Variants in PAK5 observed in about 807,000 individuals in gnomAD.
PAK5 encodes the protein serine/threonine-protein kinase PAK 5.
A neutral mutation model predicts 65.9 loss-of-function variants in PAK5; 16 were observed. The ratio of observed to expected loss-of-function variants is 0.24; its 90% confidence interval spans 0.16 to 0.37. PAK5 has a LOEUF of 0.37. Among genes scored for constraint, PAK5 ranks in the 10% least tolerant of loss-of-function variants. The pLI, the probability that PAK5 is intolerant of heterozygous loss-of-function variation, is 1.00. For synonymous variants in PAK5, 371 were observed against 354.9 expected (o/e 1.05, Z -0.51); for missense variants, 785 against 903.9 (o/e 0.87, Z 1.69).
At chr20:9,618,917 T>TTTTG (rs2046717492) in intron 3 of PAK5, among the ~76,000 whole-genome samples, 1 of 51,840 alleles carries the variant, frequency 1.9e-5, no homozygotes, top group African/African-American at 6.7e-5. Flanking sequence ...TTTCTTTCGT[T>TTTTG]TTTTTTTTTT....
chr20:9,836,982 G>T (rs1235009969), intron 1 of PAK5, among the ~76,000 whole-genome samples: 1 of 152,208 alleles, frequency 6.6e-6, no homozygotes, highest in East Asian at 1.9e-4. Context: ...CAGCATTTCA[G>T]CAGGTCCTGA....
At chr20:9,603,909 A>G (rs549439177) in intron 3 of PAK5, among the ~76,000 whole-genome samples, 1 of 152,270 alleles carries the variant, frequency 6.6e-6, no homozygotes, top group African/African-American at 2.4e-5. Flanking sequence ...CTACATTCAC[A>G]TTGCTAACGT....
intron 1 of PAK5, among the ~76,000 whole-genome samples, chr20:9,790,532 G>T (rs1467709566): frequency 2.0e-5 from 3 of 152,016 alleles, no homozygotes; most frequent in Admixed American, 6.6e-5. Flanking sequence ...TAGAGACAGG[G>T]TCTAACTCTG....
intron 1 of PAK5, among the ~76,000 whole-genome samples, chr20:9,805,677 C>A (rs2049223210): frequency 6.6e-6 from 1 of 152,042 alleles, no homozygotes; most frequent in Admixed American, 6.6e-5. Context: ...AGAAGTATCC[C>A]AAATAAGCAA....
chr20:9,571,437 A>G (rs886618431), intron 4 of PAK5, among the ~76,000 whole-genome samples: 3 of 152,218 alleles, frequency 2.0e-5, no homozygotes, highest in Admixed American at 1.3e-4. Flanking sequence ...ACTGCCCCCA[A>G]GCAATGCAGG....
At chr20:9,680,573 G>A (rs1458602669) in intron 2 of PAK5, among the ~76,000 whole-genome samples, 2 of 152,162 alleles carry the variant, frequency 1.3e-5, no homozygotes, top group African/African-American at 4.8e-5. Context: ...CATTTTTTAT[G>A]AGTTGGGAAC....
At chr20:9,609,926 C>T (rs2046526574) in intron 3 of PAK5, among the ~76,000 whole-genome samples, 1 of 152,128 alleles carries the variant, frequency 6.6e-6, no homozygotes, top group Non-Finnish European at 1.5e-5. Context: ...TGTAATCAGC[C>T]TGTGACGGTA....
At chr20:9,631,966 A>C (rs577964262) in intron 3 of PAK5, among the ~76,000 whole-genome samples, 1 of 152,342 alleles carries the variant, frequency 6.6e-6, no homozygotes, top group Non-Finnish European at 1.5e-5. Flanking sequence ...AGTTCCACTA[A>C]AGCAGCCTCT....
intron 1 of PAK5, among the ~76,000 whole-genome samples, chr20:9,734,959 C>A (rs1329012668): frequency 2.0e-5 from 3 of 152,094 alleles, no homozygotes; most frequent in African/African-American, 7.2e-5. Context: ...CAAAATTATT[C>A]TTGAGGAAAG....
chr20:9,557,738 G>A lies in PAK5; in HGVS notation c.1617-4C>T. 6.2e-7 allele frequency: 1 copy of A among 1,610,170 alleles called. No homozygotes were observed. The highest frequency in any genetic ancestry group is 8.5e-7 in the Non-Finnish European group (1 of 1,177,074). On this transcript the variant is annotated splice_polypyrimidine_tract_variant and splice_region_variant and intron_variant, in intron 6 of 9. Coordinates refer to ENST00000353224, the MANE Select transcript of PAK5 (RefSeq NM_177990.4). ...AGCTATCTGTTCTTCATTCATTCTG[G>A]AAAGGAAATAACATTTAAGGAACAA...
In PAK5 at chr20:9,772,727, A is replaced by C. The variant is rs74682691; in HGVS notation, c.-161-61292T>G. Among the ~76,000 whole-genome samples, 662 of 152,322 alleles carry C rather than the reference A, an allele frequency of 4.3e-3. 8 individuals carry two copies. Among genetic ancestry groups the C allele is most frequent in the African/African-American group, 0.015 (628 of 41,562 alleles). Reference sequence around the variant, plus strand: ...TTACATTTGCGAAATAATGAAGTAGATGTTGTCAGTGCCATGCATATCCCC... The same window carrying C: ...TTACATTTGCGAAATAATGAAGTAGCTGTTGTCAGTGCCATGCATATCCCC... On this transcript the variant is annotated intron_variant, in intron 1 of 9. Coordinates refer to ENST00000353224, the MANE Select transcript of PAK5 (RefSeq NM_177990.4).
intron 3 of PAK5, among the ~76,000 whole-genome samples, chr20:9,621,422 A>G (rs2123187622): frequency 1.3e-5 from 2 of 151,628 alleles, no homozygotes; most frequent in East Asian, 1.9e-4. Context: ...AAAAAAAAAA[A>G]AGACACACCT....
chr20:9,753,090 C>T (rs1045890794), intron 1 of PAK5, among the ~76,000 whole-genome samples: 1 of 152,144 alleles, frequency 6.6e-6, no homozygotes, highest in South Asian at 2.1e-4. Flanking sequence ...GCAGACCTCA[C>T]ACACATGAGC....
At chr20:9,798,253 A>T (rs1600386238) in intron 1 of PAK5, among the ~76,000 whole-genome samples, 1 of 54,932 alleles carries the variant, frequency 1.8e-5, no homozygotes, top group African/African-American at 5.2e-5. Context: ...GTTATGGGGT[A>T]AAAAAAATGG....
At chr20:9,588,241 A>T (rs1047341128) in intron 3 of PAK5, among the ~76,000 whole-genome samples, 10 of 152,244 alleles carry the variant, frequency 6.6e-5, no homozygotes, top group Non-Finnish European at 1.2e-4. Flanking sequence ...TAGTAAAAAA[A>T]TGAAAGAAAA....
intron 1 of PAK5, among the ~76,000 whole-genome samples, chr20:9,758,572 T>A (rs752200118): frequency 6.6e-6 from 1 of 152,166 alleles, no homozygotes; most frequent in Non-Finnish European, 1.5e-5. Flanking sequence ...GATTGCAGCC[T>A]CTTGTTTCAG....
At chr20:9,598,205 C>T (rs561396218) in intron 3 of PAK5, among the ~76,000 whole-genome samples, 19 of 152,230 alleles carry the variant, frequency 1.2e-4, no homozygotes, top group East Asian at 3.9e-4. Flanking sequence ...TGAGAACATG[C>T]GGTGTTTCGT....
chr20:9,539,954 T>C (rs1376228426), intron 9 of PAK5, among the ~76,000 whole-genome samples: 2 of 152,192 alleles, frequency 1.3e-5, no homozygotes, highest in African/African-American at 4.8e-5. Context: ...TGATGAAGCA[T>C]AGTATAAACA....
intron 2 of PAK5, among the ~76,000 whole-genome samples, chr20:9,674,927 T>TC: frequency 6.6e-6 from 1 of 152,262 alleles, no homozygotes; most frequent in African/African-American, 2.4e-5. Flanking sequence ...GAGTAATGCC[T>TC]CAGAGAAGGA....
Sources: gnomAD v4.1 joint callset for allele counts (sites outside exome capture counted in the v4.1 genomes callset) on GRCh38, gnomAD v4.1.1 for gene constraint, MANE v1.5 for transcripts, NCBI Gene and HGNC (gene_info 2026-07-23, HGNC 2026-07-21) for gene names.